VASH2: variants seen among roughly 807,000 people sequenced by gnomAD.
VASH2 encodes vasohibin 2.
In VASH2, 28 loss-of-function variants were observed where a neutral mutation model predicts 37.2. That is an observed-to-expected ratio of 0.75 (90% CI 0.56 to 1.03). The LOEUF is 1.03. VASH2 is among the 50% of genes least tolerant of loss of function. The probability of loss-of-function intolerance (pLI) is 0.00; values close to 1 mark genes in which losing one functional copy is unlikely to be tolerated. For missense variants in VASH2, 419 were observed against 459.1 expected (o/e 0.91, Z 0.80); for synonymous variants, 188 against 174.7 (o/e 1.08, Z -0.60).
At chr1:212,978,268 G>A (rs1409693683) in intron 7 of VASH2, among the ~76,000 whole-genome samples, 3 of 152,210 alleles carry the variant, frequency 2.0e-5, no homozygotes, top group Admixed American at 6.5e-5. Context: ...GACCACCCCT[G>A]CGCCTGCAGA....
At chr1:212,965,878 A>T in intron 4 of VASH2, 100 bp downstream of exon 4, 4 of 1,257,268 alleles carry the variant, frequency 3.2e-6, no homozygotes, top group Non-Finnish European at 4.5e-6. Context: ...TGGCTCAGGT[A>T]TCCTAGTCTG....
rs1193393720 is a variant in VASH2, at chr1:212,986,213, A to C, written c.996-2299A>C. On this transcript the variant is annotated intron_variant, in intron 7 of 7. Coordinates refer to ENST00000517399, the MANE Select transcript of VASH2 (RefSeq NM_001301056.2). The stretch of plus-strand genomic sequence containing the variant: ...TCTTTTTCTAAAGCAAGGAATGCAT[A>C]GGTACTGCAGGTTTATCCTTTTGCC... Among the ~76,000 whole-genome samples, 9 of 152,360 alleles carry C rather than the reference A, an allele frequency of 5.9e-5. No homozygotes were observed. The East Asian group carries it at 1.5e-3, about 26-fold the overall frequency.
chr1:212,989,604 T>G lies in VASH2; in HGVS notation c.*1020T>G, dbSNP rs2075836999. 1 of 152,236 alleles carries G rather than the reference T, an allele frequency of 6.6e-6. No individual in the cohort carries two copies. The highest frequency in any genetic ancestry group is 2.1e-4 in the South Asian group (1 of 4,830). The allele number at this position is 152,236 out of a possible 1,614,324, so 9.4% of individuals were successfully genotyped here. ...GGAGGACTCACTGTTAAAGATGTGT[T>G]CTGATGTCTTATATTAAGACCAAAT... On this transcript the variant is annotated 3_prime_UTR_variant, in exon 8 of 8. Coordinates refer to ENST00000517399, the MANE Select transcript of VASH2 (RefSeq NM_001301056.2).
chr1:212,961,289 CA>C (rs1666669559), intron 3 of VASH2, 35 bp downstream of exon 3: 3 of 1,613,946 alleles, frequency 1.9e-6, no homozygotes, highest in Non-Finnish European at 2.5e-6. Context: ...CACACCCAGC[CA>C]GGGGACAGGC....
chr1:212,976,419 TACA>T (rs941412303), intron 7 of VASH2, among the ~76,000 whole-genome samples: 2 of 152,164 alleles, frequency 1.3e-5, no homozygotes, highest in Admixed American at 1.3e-4. Context: ...ACCCTGTCTT[TACA>T]ACAACAACAA....
chr1:212,985,312 A>G (rs576097955), intron 7 of VASH2, among the ~76,000 whole-genome samples: 1 of 143,908 alleles, frequency 6.9e-6, no homozygotes, highest in South Asian at 2.2e-4. Flanking sequence ...AAGTGCTGGG[A>G]CTATAAGCAT....
chr1:212,957,122 T>C (rs192956731), intron 2 of VASH2, among the ~76,000 whole-genome samples: 1 of 152,366 alleles, frequency 6.6e-6, no homozygotes, highest in Non-Finnish European at 1.5e-5. Flanking sequence ...AATTATTCAA[T>C]ATTTGTCCTT....
intron 7 of VASH2, among the ~76,000 whole-genome samples, chr1:212,979,906 C>T (rs896782648): frequency 3.3e-5 from 5 of 152,200 alleles, no homozygotes; most frequent in African/African-American, 4.8e-5. Context: ...AAACCAACTC[C>T]TTCCCAGCCC....
At chr1:212,956,219 A>G (rs1316289891) in intron 2 of VASH2, among the ~76,000 whole-genome samples, 1 of 152,110 alleles carries the variant, frequency 6.6e-6, no homozygotes, top group Non-Finnish European at 1.5e-5. Context: ...GTTGTGCTTC[A>G]CAAGAACAGA....
At position 212,976,791 on chromosome 1, in the gene VASH2, C is replaced by G. The variant is rs146361837; in HGVS notation, c.995+2721C>G. ...TCTGCCCTCCTGCCCATCTGGCACA[C>G]CAGAGTGGGCCTGGGAATGGGGAGA... On this transcript the variant is annotated intron_variant, in intron 7 of 7. Coordinates refer to ENST00000517399, the MANE Select transcript of VASH2 (RefSeq NM_001301056.2). Among the ~76,000 whole-genome samples the G allele has an allele frequency of 2.1e-3, 314 of 152,282 alleles. 1 individual carries two copies. The highest frequency in any genetic ancestry group is 3.1e-3 in the Non-Finnish European group (210 of 68,028).
At chr1:212,953,290 C>T (rs1666381715) in intron 2 of VASH2, among the ~76,000 whole-genome samples, 1 of 152,038 alleles carries the variant, frequency 6.6e-6, no homozygotes, top group Non-Finnish European at 1.5e-5. Context: ...AGAGACCAGT[C>T]TCCCACCTCT....
chr1:212,972,783 A>G lies in VASH2; in HGVS notation c.701A>G (p.Asp234Gly). The G allele has an allele frequency of 6.2e-7, 1 of 1,614,060 alleles. No homozygotes were observed. Among genetic ancestry groups the G allele is most frequent in the East Asian group, 2.2e-5 (1 of 44,880 alleles). The change falls in exon 6 of 8, where the codon GAC (aspartate) becomes GGC (glycine). Residue 234 changes from aspartate (D) to glycine (G), a missense_variant. This residue lies in a region of VASH2 where 177 missense variants were observed against 166.2 expected (regional missense o/e 1.06). Coordinates refer to ENST00000517399, the MANE Select transcript of VASH2 (RefSeq NM_001301056.2). ...TLSDLIFDFE[D>G]SYKKYLHTVK... ...AGTGACCTCATCTTTGACTTTGAGGACTCTTACAAGAAATACCTGCACACA... is the reference window on the plus strand; with the variant it reads ...AGTGACCTCATCTTTGACTTTGAGGGCTCTTACAAGAAATACCTGCACACA...
intron 3 of VASH2, among the ~76,000 whole-genome samples, chr1:212,964,060 A>G (rs1666761584): frequency 6.6e-6 from 1 of 152,204 alleles, no homozygotes; most frequent in Non-Finnish European, 1.5e-5. Flanking sequence ...TGCCCAGGTC[A>G]GTAACTCTCA....
intron 2 of VASH2, among the ~76,000 whole-genome samples, chr1:212,955,199 T>C (rs1183730170): frequency 6.6e-6 from 1 of 152,134 alleles, no homozygotes; most frequent in Admixed American, 6.5e-5. Context: ...GGCCATTGAA[T>C]GTAGACTAAG....
In VASH2 at chr1:212,951,031, ACCT is replaced by A. The variant is rs1666288019; in HGVS notation, c.-205+295_-205+297del. Among the ~76,000 whole-genome samples, 4 of 152,162 alleles carry A rather than the reference ACCT, an allele frequency of 2.6e-5. No individual in the cohort carries two copies. In the South Asian group the frequency reaches 8.3e-4, roughly 32 times the overall value. The stretch of plus-strand genomic sequence containing the variant: ...CAGGAATGTGTGGAGCCTTGCGGGA[ACCT>A]CCTGTTCCTTCATGCTACACAAGCT... On this transcript the variant is annotated intron_variant, in intron 1 of 7. Transcript: ENST00000517399. The surrounding 1 kb of genome is among the most constrained non-coding windows in gnomAD (Gnocchi z 4.4).
At chr1:212,961,490 T>TC (rs1666675633) in intron 3 of VASH2, 13 of 710,142 alleles carry the variant, frequency 1.8e-5, no homozygotes, top group Non-Finnish European at 2.8e-5. Context: ...TCTTTCTCCC[T>TC]CCTCTTCCCT....
At chr1:212,960,674 G>A (rs1206316329) in intron 2 of VASH2, among the ~76,000 whole-genome samples, 1 of 152,240 alleles carries the variant, frequency 6.6e-6, no homozygotes, top group Non-Finnish European at 1.5e-5. Context: ...ACAGGCGTGA[G>A]CCATGGCGCC....
intron 2 of VASH2, among the ~76,000 whole-genome samples, chr1:212,955,046 A>G (rs1208467733): frequency 1.3e-5 from 2 of 152,156 alleles, no homozygotes; most frequent in Admixed American, 6.5e-5. Flanking sequence ...TGTGCTCAGC[A>G]TGGCAGACTC....
rs1432967840 is a variant in VASH2, at chr1:212,991,181, C to CTAAAT, written c.*2597_*2598insTAAAT. 6.6e-6 allele frequency: 1 copy of CTAAAT among 152,052 alleles called. No individual in the cohort carries two copies. The highest frequency in any genetic ancestry group is 1.5e-5 in the Non-Finnish European group (1 of 68,026). 9.4% of individuals were successfully genotyped at this position (152,052 alleles called of 1,614,324 possible). ...TCGGAGATATTTAGTATTTTCTATA[C>CTAAAT]ACTCTGAAATCATGAGCATTTCACT... On this transcript the variant is annotated 3_prime_UTR_variant, in exon 8 of 8. Transcript: ENST00000517399.
Sources: allele counts gnomAD v4.1 joint callset (sites outside exome capture counted in the v4.1 genomes callset), GRCh38; gene constraint gnomAD v4.1.1; regional missense constraint gnomAD v4.1.1; non-coding constraint Gnocchi (gnomAD v3.1); transcripts MANE v1.5; gene names NCBI Gene and HGNC (gene_info 2026-07-23, HGNC 2026-07-21).